CCDC18: variants seen among roughly 807,000 people sequenced by gnomAD.
The protein encoded by CCDC18 is coiled-coil domain-containing protein 18.
Under a neutral mutation model 196.0 loss-of-function variants are expected in CCDC18, and 157 were observed. The observed-to-expected ratio is 0.80, with a 90% confidence interval of 0.70 to 0.91. The LOEUF (loss-of-function observed/expected upper bound fraction) is 0.91. CCDC18 is among the 40% of genes least tolerant of loss of function. The pLI is 0.00. For synonymous variants in CCDC18, 482 were observed against 529.2 expected, an observed-to-expected ratio of 0.91 and a Z score of 1.22; for missense variants, 1,465 against 1,611.6, an observed-to-expected ratio of 0.91 and a Z score of 1.56.
chr1:93,254,729 T>G, intron 24 of CCDC18, 115 bp downstream of exon 24: 1 of 1,006,598 alleles, frequency 9.9e-7, no homozygotes, highest in Non-Finnish European at 1.5e-6. Context: ...TAACTGTTTT[T>G]AGGCTAGTTT....
In CCDC18 at chr1:93,246,108, A is replaced by G. The variant is rs770174359; in HGVS notation, c.2985A>G (p.Glu995=). ...TTTTTCCTTTGATAAATTGTAGAGA[A>G]TGCAAGATGGAGATTGAAGACAAAA... is the stretch of plus-strand genomic sequence containing the variant. The part of the protein sequence containing the change: ...TIKDLTAELR[E]CKMEIEDKKQ... The change falls in exon 22 of 29, where the codon GAA becomes GAG. Residue 995 remains glutamate, a synonymous_variant. Transcript: ENST00000690025. The G allele has an allele frequency of 3.8e-6, 6 of 1,593,974 alleles. No homozygotes were observed. The Admixed American group carries it at 5.2e-5, about 14-fold the overall frequency.
chr1:93,214,776 T>A lies in CCDC18; in HGVS notation c.1529T>A (p.Met510Lys). 1 of 1,612,476 alleles carries A rather than the reference T, an allele frequency of 6.2e-7. No individual in the cohort carries two copies. The highest frequency in any genetic ancestry group is 8.5e-7 in the Non-Finnish European group (1 of 1,179,620). The change falls in exon 12 of 29, where the codon ATG becomes AAG. Residue 510 changes from methionine (M) to lysine (K), a missense_variant. Met to Lys is a moderately conservative substitution (Grantham distance 95, BLOSUM62 -1). Transcript: ENST00000690025. ...GTAAAAGATCAAAATCAACATACTA[T>A]GAACAAGCAATATGAAAAAGAGAGG... is the stretch of plus-strand genomic sequence containing the variant. ...ESVKDQNQHT[M>K]NKQYEKERQR...
chr1:93,259,292 A>G (rs1031698701), intron 26 of CCDC18, among the ~76,000 whole-genome samples: 5 of 152,236 alleles, frequency 3.3e-5, no homozygotes, highest in Non-Finnish European at 7.3e-5. Flanking sequence ...ATGTAAATCT[A>G]TAATGCTTTG....
At chr1:93,220,658 C>T (rs531356686) in intron 14 of CCDC18, among the ~76,000 whole-genome samples, 2 of 152,206 alleles carry the variant, frequency 1.3e-5, no homozygotes, top group East Asian at 1.9e-4. Flanking sequence ...GGTACACGTA[C>T]AGGAGGTGCA....
At chr1:93,183,116 A>G (rs960679299) in intron 1 of CCDC18, among the ~76,000 whole-genome samples, 2 of 152,156 alleles carry the variant, frequency 1.3e-5, no homozygotes, top group South Asian at 4.1e-4. Flanking sequence ...AAAGAGAACT[A>G]TAATAACTAG....
chr1:93,210,991 A>C, intron 10 of CCDC18, 65 bp downstream of exon 10: 1 of 1,550,084 alleles, frequency 6.5e-7, no homozygotes. Context: ...TAAGACCCTT[A>C]ATTGGCCGGG....
intron 16 of CCDC18, among the ~76,000 whole-genome samples, chr1:93,224,945 C>G (rs1658048263): frequency 6.6e-6 from 1 of 152,124 alleles, no homozygotes; most frequent in African/African-American, 2.4e-5. Flanking sequence ...GTTAATTAGT[C>G]ATTCAGAATT....
chr1:93,212,342 T>A (rs754916249), intron 11 of CCDC18, 81 bp downstream of exon 11: 591 of 787,004 alleles, frequency 7.5e-4, no homozygotes, highest in Non-Finnish European at 1.0e-3. Flanking sequence ...TTTATTTAAA[T>A]TTTTTTTTTA....
At chr1:93,201,579 C>A (rs923641317) in intron 6 of CCDC18, among the ~76,000 whole-genome samples, 7 of 151,924 alleles carry the variant, frequency 4.6e-5, no homozygotes, top group Admixed American at 4.6e-4. Context: ...ATCATCCAGC[C>A]TCAGGCTATT....
chr1:93,218,534 G>C (rs1010503808), intron 14 of CCDC18, among the ~76,000 whole-genome samples: 4 of 150,366 alleles, frequency 2.7e-5, no homozygotes, highest in Admixed American at 6.6e-5. Context: ...TTTTGAGATA[G>C]AGTCTCGCTC....
chr1:93,179,931 T>G, upstream of CCDC18: 1 of 1,104,918 alleles, frequency 9.1e-7, no homozygotes, highest in South Asian at 1.7e-5. Context: ...CGGGCTGGCT[T>G]CCTGAACGGC....
chr1:93,266,245 T>C (rs188052701), intron 27 of CCDC18, among the ~76,000 whole-genome samples: 215 of 152,188 alleles, frequency 1.4e-3, no homozygotes, highest in South Asian at 5.4e-3. Flanking sequence ...TTGAAACCAA[T>C]GAGAACAAAG....
At chr1:93,259,178 A>G (rs1221302536) in intron 26 of CCDC18, among the ~76,000 whole-genome samples, 1 of 152,224 alleles carries the variant, frequency 6.6e-6, no homozygotes, top group East Asian at 1.9e-4. Flanking sequence ...TATCTACCTC[A>G]TAGAACTGTG....
At chr1:93,181,335 A>T (rs757458594) in intron 1 of CCDC18, among the ~76,000 whole-genome samples, 10 of 151,758 alleles carry the variant, frequency 6.6e-5, no homozygotes, top group Non-Finnish European at 1.2e-4. Context: ...CCATTGTATC[A>T]CATACATAGG....
Position 93,256,406 on chromosome 1 carries a change from G to T in CCDC18, c.3414G>T (p.Arg1138Ser), listed in dbSNP as rs1197888022. The T allele has an allele frequency of 1.2e-6, 2 of 1,614,098 alleles. No individual in the cohort carries two copies. Among genetic ancestry groups the T allele is most frequent in the Non-Finnish European group, 1.7e-6 (2 of 1,179,986 alleles). Reference sequence around the variant, plus strand: ...CCATAGATTTGGGGCAAGAATTGAGGCTGACCCGGGAGCAGGTGCAGAACT... The same window carrying T: ...CCATAGATTTGGGGCAAGAATTGAGTCTGACCCGGGAGCAGGTGCAGAACT... ...KEAIDLGQEL[R>S]LTREQVQNSH... Residue 1138 changes from arginine to serine, a missense_variant, in exon 25 of 29, where the codon AGG becomes AGT. Physicochemically the swap from Arg to Ser is moderately radical, Grantham distance 110. Coordinates refer to ENST00000690025, the MANE Select transcript of CCDC18 (RefSeq NM_001378204.1).
At chr1:93,206,308 T>C (rs1654695427) in intron 8 of CCDC18, among the ~76,000 whole-genome samples, 1 of 152,124 alleles carries the variant, frequency 6.6e-6, no homozygotes, top group East Asian at 1.9e-4. Flanking sequence ...TACTAGAGTA[T>C]TTTTTAGAAT....
intron 13 of CCDC18, 118 bp from the exon 14 acceptor site, chr1:93,217,620 A>T: frequency 1.3e-6 from 1 of 784,628 alleles, no homozygotes; most frequent in African/African-American, 1.8e-5. Flanking sequence ...TGTATTTTTC[A>T]TAGAGACGGG....
At position 93,270,426 on chromosome 1, in the gene CCDC18, T is replaced by A; in HGVS notation, c.3965T>A (p.Phe1322Tyr). 1 of 1,550,368 alleles carries A rather than the reference T, an allele frequency of 6.5e-7. No homozygotes were observed. The highest frequency in any genetic ancestry group is 8.7e-7 in the Non-Finnish European group (1 of 1,146,860). ...AEDIKFLPAP[F>Y]TSPTEIMPDV... is the part of the protein sequence containing the mutation. ...GACATCAAGTTTCTGCCAGCCCCATTTACATCTCCAACAGAAATTATGCCT... is the reference window on the plus strand; with the variant it reads ...GACATCAAGTTTCTGCCAGCCCCATATACATCTCCAACAGAAATTATGCCT... Residue 1322 changes from phenylalanine to tyrosine, a missense_variant, in exon 28 of 29, where the codon TTT becomes TAT. Physicochemically the swap from Phe to Tyr is conservative, Grantham distance 22. Coordinates refer to ENST00000690025, the MANE Select transcript of CCDC18 (RefSeq NM_001378204.1).
intron 14 of CCDC18, among the ~76,000 whole-genome samples, chr1:93,218,970 T>G (rs1656962404): frequency 6.6e-6 from 1 of 152,220 alleles, no homozygotes; most frequent in Non-Finnish European, 1.5e-5. Context: ...AGACACAGCT[T>G]CTCCAATAAT....
Sources: gnomAD v4.1 joint callset for allele counts (sites outside exome capture counted in the v4.1 genomes callset) on GRCh38, gnomAD v4.1.1 for gene constraint, MANE v1.5 for transcripts, NCBI Gene and HGNC (gene_info 2026-07-23, HGNC 2026-07-21) for gene names.